SLC44A1: variants seen among roughly 807,000 people sequenced by gnomAD.
The protein encoded by SLC44A1 is solute carrier family 44 member 1.
Under a neutral mutation model 79.3 loss-of-function variants are expected in SLC44A1, and 26 were observed. The ratio of observed to expected loss-of-function variants is 0.33; its 90% CI spans 0.24 to 0.46. The LOEUF (loss-of-function observed/expected upper bound fraction) is 0.46. Among genes scored for constraint, SLC44A1 ranks in the 20% least tolerant of loss-of-function variants. SLC44A1 has a pLI of 1.00. For synonymous variants in SLC44A1, 263 were observed against 286.2 expected (o/e 0.92, Z 0.82); for missense variants, 688 against 798.1 (o/e 0.86, Z 1.66).
intron 3 of SLC44A1, among the ~76,000 whole-genome samples, chr9:105,314,307 G>A (rs1297133721): frequency 1.3e-5 from 2 of 152,180 alleles, no homozygotes. Flanking sequence ...AGAAGATATG[G>A]CAAAGTGGTG....
intron 1 of SLC44A1, among the ~76,000 whole-genome samples, chr9:105,256,435 A>G (rs957745330): frequency 3.9e-5 from 6 of 152,218 alleles, no homozygotes; most frequent in African/African-American, 1.4e-4. Context: ...TTTCTTACCC[A>G]AAGTAAGTCC....
chr9:105,336,042 G>A (rs6479310), intron 4 of SLC44A1, among the ~76,000 whole-genome samples: 1 of 151,708 alleles, frequency 6.6e-6, no homozygotes, highest in African/African-American at 2.4e-5. Flanking sequence ...CCCAAGTATT[G>A]GTTAAAAGTA....
chr9:105,424,958 A>AG (rs892807939), intron 15 of SLC44A1, among the ~76,000 whole-genome samples: 1 of 149,068 alleles, frequency 6.7e-6, no homozygotes, highest in African/African-American at 2.6e-5. Context: ...CAAAAAAAAA[A>AG]AAAAGAAAAG....
intron 8 of SLC44A1, among the ~76,000 whole-genome samples, chr9:105,362,597 G>A (rs768938601): frequency 2.4e-4 from 36 of 152,164 alleles, no homozygotes; most frequent in Non-Finnish European, 2.2e-4. Flanking sequence ...GTATTAATAA[G>A]TTGAGAAATC....
intron 2 of SLC44A1, among the ~76,000 whole-genome samples, chr9:105,305,842 CCT>C (rs568545349): frequency 0.12 from 15,546 of 134,276 alleles, 1,010 homozygotes; most frequent in African/African-American, 0.22. Flanking sequence ...AAAAGTGTGT[CCT>C]TTTTTTTTTT....
Position 105,391,647 on chromosome 9 carries a change from T to A in SLC44A1, c.*2591T>A, listed in dbSNP as rs987781798. ...ATATTTAAATGTGTTGAGGTTATGT[T>A]TGGATATTCCTGCTGCCTCTTTTCA... On this transcript the variant is annotated 3_prime_UTR_variant, in exon 16 of 16. Transcript: ENST00000374720. 6 of 985,290 alleles carry A rather than the reference T, an allele frequency of 6.1e-6. No homozygotes were observed. The allele number at this position is 985,290 out of a possible 1,614,324, so 61.0% of individuals were successfully genotyped here.
chr9:105,357,184 A>T (rs1044792767), intron 6 of SLC44A1: 1 of 152,188 alleles, frequency 6.6e-6, no homozygotes, highest in African/African-American at 2.4e-5. Context: ...AATGCTGTCC[A>T]TATGAAAATC....
At chr9:105,259,105 G>A (rs1304589021) in intron 1 of SLC44A1, among the ~76,000 whole-genome samples, 1 of 152,070 alleles carries the variant, frequency 6.6e-6, no homozygotes, top group Non-Finnish European at 1.5e-5. Context: ...TGAAAGTGGT[G>A]GTTATAAACT....
chr9:105,304,956 T>TTTTTTTG, intron 2 of SLC44A1, among the ~76,000 whole-genome samples: 1 of 68,994 alleles, frequency 1.4e-5, no homozygotes, highest in African/African-American at 7.2e-5. Context: ...TTTTTTTTTT[T>TTTTTTTG]TTTTTTTTTT....
intron 1 of SLC44A1, among the ~76,000 whole-genome samples, chr9:105,260,184 C>T (rs1829807705): frequency 6.6e-6 from 1 of 152,168 alleles, no homozygotes; most frequent in South Asian, 2.1e-4. Flanking sequence ...GTTCTTCTTG[C>T]TCACTTCATA....
intron 9 of SLC44A1, among the ~76,000 whole-genome samples, chr9:105,363,219 G>T (rs538701103): frequency 6.6e-6 from 1 of 151,966 alleles, no homozygotes; most frequent in Non-Finnish European, 1.5e-5. Flanking sequence ...CTGGAGTGAA[G>T]TGGTGCTCTC....
rs370485915 is a variant in SLC44A1 at position 105,305,841 on chromosome 9, TC to T, written c.127-3881del. Among the ~76,000 whole-genome samples, 313 of 134,844 alleles carry T rather than the reference TC, an allele frequency of 2.3e-3. 15 individuals carry two copies. Among genetic ancestry groups the T allele is most frequent in the African/African-American group, 3.5e-3 (105 of 30,038 alleles). The allele number at this position is 134,844 out of a possible 152,430, so 88.5% of individuals were successfully genotyped here. A position where few individuals can be genotyped will look rare whatever the true frequency, so the allele number is the denominator to read the frequency against. The stretch of plus-strand genomic sequence containing the variant: ...AACATGCTTGTGAAATAAAAGTGTG[TC>T]CTTTTTTTTTTTTTTTTTTTTTTTT... On this transcript the variant is annotated intron_variant, in intron 2 of 15. Coordinates refer to ENST00000374720, the MANE Select transcript of SLC44A1 (RefSeq NM_080546.5).
chr9:105,371,851 G>A (rs569500933), intron 12 of SLC44A1, among the ~76,000 whole-genome samples: 2 of 152,234 alleles, frequency 1.3e-5, no homozygotes, highest in African/African-American at 4.8e-5. Context: ...GTGTGAACTG[G>A]GAACCAATCT....
At chr9:105,264,944 G>A (rs1340028597) in intron 1 of SLC44A1, among the ~76,000 whole-genome samples, 2 of 152,014 alleles carry the variant, frequency 1.3e-5, no homozygotes, top group East Asian at 3.9e-4. Flanking sequence ...TTACAGGCAT[G>A]CGCCACCACG....
Position 105,364,635 on chromosome 9 carries a change from G to A in SLC44A1, c.1168G>A (p.Val390Met), listed in dbSNP as rs1827886346. The change falls in exon 10 of 16, where the codon GTG becomes ATG. Residue 390 changes from valine (V) to methionine (M), a missense_variant. Transcript: ENST00000374720. ...PLQYMWWYHVVGLIWISEFIL... is the reference protein window; with the variant it reads ...PLQYMWWYHVMGLIWISEFIL... The stretch of plus-strand genomic sequence containing the variant: ...GCAGTACATGTGGTGGTACCATGTG[G>A]TGGGCCTGATTTGGATCAGTGAATT... 1 of 1,614,102 alleles carries A rather than the reference G, an allele frequency of 6.2e-7. No homozygotes were observed. The highest frequency in any genetic ancestry group is 8.5e-7 in the Non-Finnish European group (1 of 1,179,956).
At chr9:105,413,519 G>A (rs1306413756) in intron 15 of SLC44A1, among the ~76,000 whole-genome samples, 3 of 152,200 alleles carry the variant, frequency 2.0e-5, no homozygotes, top group African/African-American at 7.2e-5. Context: ...ACAGACCAAA[G>A]ATGGCAGAAC....
chr9:105,253,485 T>A (rs985464225), intron 1 of SLC44A1, among the ~76,000 whole-genome samples: 1 of 152,160 alleles, frequency 6.6e-6, no homozygotes. Context: ...CCCAACACTT[T>A]GGGAGGCTGA....
At chr9:105,305,838 G>A (rs930370102) in intron 2 of SLC44A1, among the ~76,000 whole-genome samples, 23 of 128,832 alleles carry the variant, frequency 1.8e-4, no homozygotes, top group African/African-American at 6.8e-4. Flanking sequence ...AAATAAAAGT[G>A]TGTCCTTTTT....
At position 105,396,267 on chromosome 9, in the gene SLC44A1, G is replaced by A. The variant is rs1484652254; in HGVS notation, c.*7211G>A. On this transcript the variant is annotated 3_prime_UTR_variant, in exon 16 of 16. Transcript: ENST00000374720. ...TGGACCACTGAATGCACTTCTAATA[G>A]AGCTTTAATCTAAAGAAGTTAGTTC... The A allele has an allele frequency of 6.1e-6, 6 of 984,974 alleles. No homozygotes were observed. The highest frequency in any genetic ancestry group is 7.2e-6 in the Non-Finnish European group (6 of 829,680). The allele number at this position is 984,974 out of a possible 1,614,324, so 61.0% of individuals were successfully genotyped here.
Sources: gnomAD v4.1 joint callset for allele counts (sites outside exome capture counted in the v4.1 genomes callset) on GRCh38, gnomAD v4.1.1 for gene constraint, MANE v1.5 for transcripts, NCBI Gene and HGNC (gene_info 2026-07-23, HGNC 2026-07-21) for gene names.